Variants in ITPR1 observed in about 807,000 individuals in gnomAD.
ITPR1 encodes inositol 1,4,5-trisphosphate receptor type 1, also known as inositol 1,4,5-trisphosphate-gated calcium channel ITPR1.
A neutral mutation model predicts 318.4 loss-of-function variants in ITPR1; 96 were observed. The ratio of observed to expected loss-of-function variants is 0.30; its 90% CI spans 0.26 to 0.36. The LOEUF is 0.36. Ranked by LOEUF, ITPR1 falls within the 10% of genes least tolerant of loss-of-function variation. The pLI, the probability that ITPR1 is intolerant of heterozygous loss-of-function variation, is 1.00. For missense variants in ITPR1, 2,440 were observed against 3,460.2 expected (o/e 0.71, Z 7.40); for synonymous variants, 1,312 against 1,289.9 (o/e 1.02, Z -0.37).
chr3:4,785,082 T>C (rs2047097096), intron 51 of ITPR1, among the ~76,000 whole-genome samples: 1 of 152,188 alleles, frequency 6.6e-6, no homozygotes, highest in African/African-American at 2.4e-5. Context: ...CTTAAATTCT[T>C]TCAATAAAGC....
At chr3:4,609,407 G>A (rs1321646421) in intron 4 of ITPR1, among the ~76,000 whole-genome samples, 2 of 152,030 alleles carry the variant, frequency 1.3e-5, no homozygotes, top group Non-Finnish European at 2.9e-5. Flanking sequence ...TCTTTATTTA[G>A]GGTATATACA....
intron 46 of ITPR1, among the ~76,000 whole-genome samples, chr3:4,773,061 C>A (rs748743112): frequency 6.6e-6 from 1 of 152,246 alleles, no homozygotes; most frequent in Non-Finnish European, 1.5e-5. Flanking sequence ...GGGCACCCAG[C>A]GCTGTCAACG....
chr3:4,836,639 T>G, intron 60 of ITPR1, 135 bp from the exon 61 acceptor site: 1 of 864,978 alleles, frequency 1.2e-6, no homozygotes, highest in Non-Finnish European at 1.6e-6. Context: ...ACACAGCACA[T>G]AAGTTCTGCC....
chr3:4,562,315 G>C (rs923397100), intron 4 of ITPR1, among the ~76,000 whole-genome samples: 1 of 152,140 alleles, frequency 6.6e-6, no homozygotes. Flanking sequence ...GTAATGTTAA[G>C]TTGCAGCAAG....
At chr3:4,798,921 TG>T (rs1296452293) in intron 53 of ITPR1, among the ~76,000 whole-genome samples, 17 of 152,120 alleles carry the variant, frequency 1.1e-4, no homozygotes, top group Non-Finnish European at 2.2e-4. Flanking sequence ...CAGTGGTAGC[TG>T]GGGGTAGGGA....
chr3:4,508,832 G>T (rs2081586468), intron 2 of ITPR1, among the ~76,000 whole-genome samples: 1 of 152,164 alleles, frequency 6.6e-6, no homozygotes, highest in Admixed American at 6.5e-5. Context: ...TTGGTATTGT[G>T]AGTTTGGGTA....
intron 44 of ITPR1, among the ~76,000 whole-genome samples, chr3:4,754,697 G>A (rs1415794987): frequency 1.3e-5 from 2 of 152,226 alleles, no homozygotes; most frequent in Non-Finnish European, 2.9e-5. Flanking sequence ...TTGCTTTAGA[G>A]TACCTTTTTA....
At chr3:4,690,864 C>G (rs990580653) in intron 31 of ITPR1, among the ~76,000 whole-genome samples, 2 of 152,088 alleles carry the variant, frequency 1.3e-5, no homozygotes, top group African/African-American at 4.8e-5. Context: ...TAAAGGAGAC[C>G]TGTTTTGTTT....
chr3:4,699,221 G>C (rs1393998111), intron 34 of ITPR1, among the ~76,000 whole-genome samples: 1 of 152,064 alleles, frequency 6.6e-6, no homozygotes, highest in Non-Finnish European at 1.5e-5. Context: ...GCTGGGCATG[G>C]TGGTGGGCAC....
intron 60 of ITPR1, among the ~76,000 whole-genome samples, chr3:4,834,629 C>G (rs1228799611): frequency 6.6e-6 from 1 of 152,126 alleles, no homozygotes; most frequent in African/African-American, 2.4e-5. Flanking sequence ...GTTGCATAGT[C>G]CTTGAACATG....
intron 36 of ITPR1, among the ~76,000 whole-genome samples, chr3:4,704,774 A>G (rs1417682896): frequency 6.6e-6 from 1 of 151,024 alleles, no homozygotes; most frequent in African/African-American, 2.4e-5. Context: ...AGACATGAAA[A>G]CAGCACTACC....
chr3:4,507,367 G>T (rs1474378635), intron 2 of ITPR1, among the ~76,000 whole-genome samples: 1 of 152,182 alleles, frequency 6.6e-6, no homozygotes, highest in Non-Finnish European at 1.5e-5. Context: ...GAAATGTGGG[G>T]TTGTGGCATG....
Position 4,795,095 on chromosome 3 carries a change from A to G in ITPR1, c.6839A>G (p.Asn2280Ser). Residue 2280 changes from asparagine to serine, a missense_variant, in exon 53 of 62, where the codon AAC (asparagine) becomes AGC (serine). Physicochemically the swap from Asn to Ser is conservative, Grantham distance 46 (BLOSUM62 1). Coordinates refer to ENST00000649015, the MANE Select transcript of ITPR1 (RefSeq NM_001378452.1). ...CCCGTGTTGTACTGGTGTGCCCGCA[A>G]CATGTCTTTCTGGAGCAGCATTTCG... The part of the protein sequence containing the change: ...AQPVLYWCAR[N>S]MSFWSSISFN... The G allele has an allele frequency of 6.2e-7, 1 of 1,613,742 alleles. No homozygotes were observed. The highest frequency in any genetic ancestry group is 8.5e-7 in the Non-Finnish European group (1 of 1,179,746).
At chr3:4,590,508 G>C (rs2639806) in intron 4 of ITPR1, among the ~76,000 whole-genome samples, 2,620 of 150,060 alleles carry the variant, frequency 0.017, 89 homozygotes, top group African/African-American at 0.06. Context: ...TCTTCTCCAT[G>C]TATTTTGTTC....
intron 2 of ITPR1, among the ~76,000 whole-genome samples, chr3:4,514,986 C>G (rs568185286): frequency 8.5e-5 from 13 of 152,252 alleles, no homozygotes; most frequent in African/African-American, 3.1e-4. Context: ...GTGTATCTTC[C>G]CTCAAGGTCT....
At chr3:4,832,541 G>A (rs533352598) in intron 60 of ITPR1, among the ~76,000 whole-genome samples, 23 of 152,244 alleles carry the variant, frequency 1.5e-4, no homozygotes, top group African/African-American at 4.8e-4. Context: ...TGAGGCATGA[G>A]AATAGCTTGA....
In ITPR1 at chr3:4,800,475, T is replaced by C; in HGVS notation, c.6982T>C (p.Ser2328Pro). Reference protein sequence around the residue: ...SGLLWTAMLISLAIVIALPKP... With the variant: ...SGLLWTAMLIPLAIVIALPKP... Reference sequence around the variant, plus strand: ...ACTCCTGTGGACAGCCATGCTCATCTCTCTGGCCATCGTCATTGCCCTCCC... The same window carrying C: ...ACTCCTGTGGACAGCCATGCTCATCCCTCTGGCCATCGTCATTGCCCTCCC... The change falls in exon 54 of 62, where the codon TCT (serine) becomes CCT (proline). Residue 2328 changes from serine (S) to proline (P), a missense_variant. By Grantham distance (74) the Ser-to-Pro change is moderately conservative. Around this residue, in one of 23 missense-constraint regions of ITPR1, gnomAD observed 126 missense variants for 150.8 expected, o/e 0.84. Coordinates refer to ENST00000649015, the MANE Select transcript of ITPR1 (RefSeq NM_001378452.1). The C allele has an allele frequency of 1.2e-6, 2 of 1,614,040 alleles. No homozygotes were observed. The highest frequency in any genetic ancestry group is 1.7e-6 in the Non-Finnish European group (2 of 1,179,886).
intron 40 of ITPR1, among the ~76,000 whole-genome samples, chr3:4,717,896 T>C (rs1472285432): frequency 6.6e-6 from 1 of 152,220 alleles, no homozygotes; most frequent in Non-Finnish European, 1.5e-5. Context: ...TTAAGCGCAG[T>C]GTGAATTCCT....
chr3:4,681,802 C>T (rs2094307490), intron 26 of ITPR1, among the ~76,000 whole-genome samples: 1 of 151,918 alleles, frequency 6.6e-6, no homozygotes, highest in South Asian at 2.1e-4. Context: ...AAGATCATGT[C>T]CTGCTGCTGC....
Sources: allele counts gnomAD v4.1 joint callset (sites outside exome capture counted in the v4.1 genomes callset), GRCh38; gene constraint gnomAD v4.1.1; regional missense constraint gnomAD v4.1.1; transcripts MANE v1.5; gene names NCBI Gene and HGNC (gene_info 2026-07-23, HGNC 2026-07-21).